TAF6L: variants seen among roughly 807,000 people sequenced by gnomAD.
TAF6L encodes TAF6-like RNA polymerase II p300/CBP-associated factor-associated factor 65 kDa subunit 6L.
Under a neutral mutation model 57.3 loss-of-function variants are expected in TAF6L, and 34 were observed. That is an observed-to-expected ratio of 0.59 (90% CI 0.45 to 0.79). The LOEUF (loss-of-function observed/expected upper bound fraction) is 0.79, where lower values mean the gene tolerates loss of function less well. TAF6L is among the 30% of genes least tolerant of loss of function. The pLI is 0.00. For synonymous variants in TAF6L, 417 were observed against 376.3 expected (o/e 1.11, Z -1.25); for missense variants, 782 against 853.2 (o/e 0.92, Z 1.04).
At chr11:62,785,843 G>A (rs1419480613) in intron 9 of TAF6L, among the ~76,000 whole-genome samples, 1 of 152,188 alleles carries the variant, frequency 6.6e-6, no homozygotes, top group East Asian at 1.9e-4. Flanking sequence ...CCAATCACAG[G>A]ATTTTAAATT....
At position 62,775,841 on chromosome 11, in the gene TAF6L, A is replaced by G; in HGVS notation, c.58A>G (p.Met20Val). ...VEIPRESVRL[M>V]AESTGLELSD... ...GATCCCTCGGGAGTCTGTCCGGCTC[A>G]TGGCGGAGAGCACGGGCCTGGAGCT... Residue 20 changes from methionine (M) to valine (V), a missense_variant, in exon 2 of 11, where the codon ATG (methionine) becomes GTG (valine). By Grantham distance (21) the Met-to-Val change is conservative. Around this residue, in one of 3 missense-constraint regions of TAF6L, gnomAD observed 220 missense variants for 252.1 expected, o/e 0.87. Coordinates refer to ENST00000294168, the MANE Select transcript of TAF6L (RefSeq NM_006473.4). 2 of 1,613,520 alleles carry G rather than the reference A, an allele frequency of 1.2e-6. No homozygotes were observed. Among genetic ancestry groups the G allele is most frequent in the South Asian group, 1.1e-5 (1 of 91,072 alleles).
In TAF6L at chr11:62,787,162, C is replaced by G. The variant is rs1329483691; in HGVS notation, c.1735C>G (p.Gln579Glu). ...GAGGCGCTGCCGCGGGCGCCTTTTCCAGACTGCCTTCCCCGCGCCGTACGG... is the reference window on the plus strand; with the variant it reads ...GAGGCGCTGCCGCGGGCGCCTTTTCGAGACTGCCTTCCCCGCGCCGTACGG... ...AGRRCRGRLF[Q>E]TAFPAPYGPS... The change falls in exon 11 of 11, where the codon CAG (glutamine) becomes GAG (glutamate). Residue 579 changes from glutamine to glutamate, a missense_variant. Physicochemically the swap from Gln to Glu is conservative, Grantham distance 29. Around this residue, in one of 3 missense-constraint regions of TAF6L, gnomAD observed 483 missense variants for 445.1 expected, o/e 1.09. Transcript: ENST00000294168. 2 of 1,580,522 alleles carry G rather than the reference C, an allele frequency of 1.3e-6. No individual in the cohort carries two copies. Among genetic ancestry groups the G allele is most frequent in the South Asian group, 2.3e-5 (2 of 88,804 alleles).
At chr11:62,771,593 A>T (rs1489688228) in intron 1 of TAF6L, 103 bp downstream of exon 1, 1 of 165,922 alleles carries the variant, frequency 6.0e-6, no homozygotes, top group East Asian at 1.8e-4. Context: ...CCCTTGGCTG[A>T]CCACGTGACC....
intron 9 of TAF6L, among the ~76,000 whole-genome samples, chr11:62,783,908 C>T (rs1400232165): frequency 6.6e-6 from 1 of 150,416 alleles, no homozygotes; most frequent in African/African-American, 2.4e-5. Flanking sequence ...TTCTGAACCA[C>T]TTTTGTATAC....
chr11:62,786,667 A>C lies in TAF6L; in HGVS notation c.1240A>C (p.Ser414Arg). The C allele has an allele frequency of 6.2e-7, 1 of 1,611,636 alleles. No homozygotes were observed. Among genetic ancestry groups the C allele is most frequent in the Non-Finnish European group, 8.5e-7 (1 of 1,179,000 alleles). ...GTCCTCCGGGGGCGGTGCAGAACCC[A>C]GCTTTGGGTCCGGCCTCCCGCTGCC... ...ESSSGGGAEP[S>R]FGSGLPLPPG... The change falls in exon 11 of 11, where the codon AGC becomes CGC. Residue 414 changes from serine (S) to arginine (R), a missense_variant. Ser to Arg is a moderately radical substitution (Grantham distance 110). Around this residue, in one of 3 missense-constraint regions of TAF6L, gnomAD observed 483 missense variants for 445.1 expected, o/e 1.09. Transcript: ENST00000294168.
chr11:62,786,520 G>T lies in TAF6L; in HGVS notation c.1093G>T (p.Ala365Ser). The T allele has an allele frequency of 6.4e-7, 1 of 1,554,634 alleles. No homozygotes were observed. Among genetic ancestry groups the T allele is most frequent in the Non-Finnish European group, 8.7e-7 (1 of 1,146,838 alleles). The change falls in exon 11 of 11, where the codon GCG (alanine) becomes TCG (serine). Residue 365 changes from alanine to serine, a missense_variant. Ala to Ser is a moderately conservative substitution (Grantham distance 99). Transcript: ENST00000294168. ...GHKVYGAILVAVERLLKMKAQ... is the reference protein window; with the variant it reads ...GHKVYGAILVSVERLLKMKAQ... ...TCTTAGTCCTTGGCTCTTACAGGTG[G>T]CGGTAGAGCGACTGCTGAAGATGAA...
In TAF6L at chr11:62,782,835, C is replaced by G. The variant is rs527683962; in HGVS notation, c.960+10C>G. 11 of 1,613,406 alleles carry G rather than the reference C, an allele frequency of 6.8e-6. No homozygotes were observed. Among genetic ancestry groups the G allele is most frequent in the Non-Finnish European group, 9.3e-6 (11 of 1,179,560 alleles). ...TGCTCTTGGCTGGAAGGTGAGCACCCTGGCCTTTCTCACACAGCCGTAAGA... is the reference window on the plus strand; with the variant it reads ...TGCTCTTGGCTGGAAGGTGAGCACCGTGGCCTTTCTCACACAGCCGTAAGA... On this transcript the variant is annotated intron_variant, in intron 9 of 10. Transcript: ENST00000294168.
Sources: gnomAD v4.1 joint callset for allele counts (sites outside exome capture counted in the v4.1 genomes callset) on GRCh38, gnomAD v4.1.1 for gene constraint, gnomAD v4.1.1 regional missense constraint, MANE v1.5 for transcripts, NCBI Gene and HGNC (gene_info 2026-07-23, HGNC 2026-07-21) for gene names.